DACH1: variants seen among roughly 807,000 people sequenced by gnomAD.
DACH1 encodes the protein dachshund family transcription factor 1, also known as dachshund homolog 1.
Under a neutral mutation model 54.2 loss-of-function variants are expected in DACH1, and 12 were observed. The observed-to-expected ratio is 0.22, with a 90% CI of 0.14 to 0.36. The LOEUF (loss-of-function observed/expected upper bound fraction) is 0.36. Among genes scored for constraint, DACH1 ranks in the 10% least tolerant of loss-of-function variants. The pLI is 1.00. For missense variants in DACH1, 805 were observed against 929.8 expected (o/e 0.87, Z 1.75); for synonymous variants, 386 against 366.2 (o/e 1.05, Z -0.62).
At chr13:71,599,176 T>TA (rs1874319119) in intron 3 of DACH1, among the ~76,000 whole-genome samples, 1 of 152,164 alleles carries the variant, frequency 6.6e-6, no homozygotes, top group African/African-American at 2.4e-5. Flanking sequence ...AGCATTCATC[T>TA]AAAAAATGAG....
At chr13:71,699,286 C>T (rs912472651) in intron 1 of DACH1, among the ~76,000 whole-genome samples, 1 of 152,098 alleles carries the variant, frequency 6.6e-6, no homozygotes, top group Admixed American at 6.5e-5. Context: ...AATATAGACA[C>T]GAGGATTGCT....
chr13:71,785,711 A>G (rs1027702934), intron 1 of DACH1, among the ~76,000 whole-genome samples: 1 of 152,216 alleles, frequency 6.6e-6, no homozygotes, highest in Non-Finnish European at 1.5e-5. Context: ...GGTCAGAGCT[A>G]AAATCCATAA....
chr13:71,693,647 T>C (rs972445073), intron 1 of DACH1, among the ~76,000 whole-genome samples: 3 of 151,900 alleles, frequency 2.0e-5, no homozygotes, highest in Non-Finnish European at 4.4e-5. Flanking sequence ...CAGTTACCAG[T>C]GGTCAACTGC....
At chr13:71,863,900 A>G (rs1419231657) in intron 1 of DACH1, among the ~76,000 whole-genome samples, 1 of 151,252 alleles carries the variant, frequency 6.6e-6, no homozygotes, top group African/African-American at 2.4e-5. Flanking sequence ...AGAAAAAAAA[A>G]GTAGCAATTC....
intron 6 of DACH1, among the ~76,000 whole-genome samples, chr13:71,532,042 T>C (rs972385533): frequency 2.0e-5 from 3 of 151,992 alleles, no homozygotes; most frequent in African/African-American, 7.2e-5. Flanking sequence ...GTTCACTCTC[T>C]CTTTCATTTG....
intron 6 of DACH1, among the ~76,000 whole-genome samples, chr13:71,506,214 C>A (rs1051886378): frequency 6.6e-6 from 1 of 151,108 alleles, no homozygotes; most frequent in Non-Finnish European, 1.5e-5. Context: ...TATACATGTG[C>A]CATGCTGGTG....
chr13:71,528,808 A>G (rs1882198036), intron 6 of DACH1, among the ~76,000 whole-genome samples: 1 of 152,112 alleles, frequency 6.6e-6, no homozygotes, highest in Admixed American at 6.6e-5. Context: ...TCATTTGAAG[A>G]TTGGAGATAA....
At chr13:71,646,128 G>A (rs1164113892) in intron 2 of DACH1, among the ~76,000 whole-genome samples, 1 of 152,084 alleles carries the variant, frequency 6.6e-6, no homozygotes, top group Non-Finnish European at 1.5e-5. Flanking sequence ...ACAAGGTCAG[G>A]AGTTCAAGAC....
At chr13:71,473,325 CCCT>C in intron 10 of DACH1, among the ~76,000 whole-genome samples, 1 of 152,094 alleles carries the variant, frequency 6.6e-6, no homozygotes, top group Non-Finnish European at 1.5e-5. Flanking sequence ...TGTTTTGTTT[CCCT>C]AACCATTAAG....
chr13:71,470,040 A>T (rs1320540204), intron 10 of DACH1, among the ~76,000 whole-genome samples: 1 of 152,216 alleles, frequency 6.6e-6, no homozygotes, highest in Admixed American at 6.5e-5. Flanking sequence ...ATTGGTTTTA[A>T]CAATTATTTT....
At chr13:71,827,364 A>G (rs1262636433) in intron 1 of DACH1, among the ~76,000 whole-genome samples, 1 of 152,146 alleles carries the variant, frequency 6.6e-6, no homozygotes, top group Non-Finnish European at 1.5e-5. Flanking sequence ...ACTAATTATT[A>G]CAACATGGCC....
At position 71,780,152 on chromosome 13, in the gene DACH1, A is replaced by G. The variant is rs538552193; in HGVS notation, c.848+85770T>C. Among the ~76,000 whole-genome samples the G allele has an allele frequency of 9.8e-5, 15 of 152,340 alleles. No homozygotes were observed. The East Asian group carries it at 2.5e-3, about 25-fold the overall frequency. On this transcript the variant is annotated intron_variant, in intron 1 of 10. Coordinates refer to ENST00000613252, the MANE Select transcript of DACH1 (RefSeq NM_080759.6). ...ATTTAAAAAGAACTGTGACCAGAAT[A>G]GGAATTACATCAGCAAGGGAAAGAA...
chr13:71,450,285 T>C (rs779262266), intron 10 of DACH1, among the ~76,000 whole-genome samples: 9 of 152,160 alleles, frequency 5.9e-5, no homozygotes, highest in Non-Finnish European at 8.8e-5. Context: ...CACATTTTGG[T>C]AATTCTCCCA....
chr13:71,669,620 C>T (rs1566420127), intron 2 of DACH1, among the ~76,000 whole-genome samples: 1 of 152,120 alleles, frequency 6.6e-6, no homozygotes, highest in East Asian at 1.9e-4. Flanking sequence ...GTCCCTGGTG[C>T]CAAAAAGGTT....
At chr13:71,565,982 T>C (rs1884872595) in intron 4 of DACH1, among the ~76,000 whole-genome samples, 2 of 152,156 alleles carry the variant, frequency 1.3e-5, no homozygotes, top group African/African-American at 2.4e-5. Context: ...GGCGTCTTAA[T>C]TAAAAGGTAG....
intron 1 of DACH1, among the ~76,000 whole-genome samples, chr13:71,844,806 A>G (rs1873114648): frequency 6.6e-6 from 1 of 152,150 alleles, no homozygotes; most frequent in South Asian, 2.1e-4. Context: ...CTCTCATTCA[A>G]GGCAACATGG....
At position 71,864,269 on chromosome 13, in the gene DACH1, T is replaced by C. The variant is rs372685797; in HGVS notation, c.848+1653A>G. 3.3e-5 allele frequency among the ~76,000 whole-genome samples: 5 copies of C among 151,604 alleles called. No homozygotes were observed. In the East Asian group the frequency reaches 5.9e-4, roughly 18 times the overall value. On this transcript the variant is annotated intron_variant, in intron 1 of 10. Transcript: ENST00000613252. The stretch of plus-strand genomic sequence containing the variant: ...AAAGCCCAAACACACCCAAGTCCCA[T>C]GGAAGGAAGAATACCTAAACACGGA...
At chr13:71,863,894 A>C (rs963071338) in intron 1 of DACH1, among the ~76,000 whole-genome samples, 1 of 151,064 alleles carries the variant, frequency 6.6e-6, no homozygotes, top group Non-Finnish European at 1.5e-5. Context: ...TTAAAGAGAA[A>C]AAAAAAGTAG....
intron 1 of DACH1, among the ~76,000 whole-genome samples, chr13:71,810,570 A>G (rs1447662957): frequency 6.6e-6 from 1 of 152,188 alleles, no homozygotes; most frequent in Non-Finnish European, 1.5e-5. Flanking sequence ...CAGTGAACTC[A>G]GGTGGCTGAA....
Sources: gnomAD v4.1 joint callset for allele counts (sites outside exome capture counted in the v4.1 genomes callset) on GRCh38, gnomAD v4.1.1 for gene constraint, MANE v1.5 for transcripts, NCBI Gene and HGNC (gene_info 2026-07-23, HGNC 2026-07-21) for gene names.